Variants in NRXN3 observed in about 807,000 individuals in gnomAD.
NRXN3 encodes the protein neurexin III.
A neutral mutation model predicts 137.6 loss-of-function variants in NRXN3; 32 were observed. The ratio of observed to expected loss-of-function variants is 0.23; its 90% CI spans 0.18 to 0.31. The LOEUF is 0.31. Among genes scored for constraint, NRXN3 ranks in the 10% least tolerant of loss-of-function variants. The pLI is 1.00. For synonymous variants in NRXN3, 798 were observed against 784.5 expected, an observed-to-expected ratio of 1.02 and a Z score of -0.29; for missense variants, 1,574 against 2,062.5, an observed-to-expected ratio of 0.76 and a Z score of 4.59.
intron 10 of NRXN3, among the ~76,000 whole-genome samples, chr14:78,824,332 A>G (rs2098960293): frequency 6.6e-6 from 1 of 151,880 alleles, no homozygotes; most frequent in Non-Finnish European, 1.5e-5. Flanking sequence ...TTTTATTTTT[A>G]GTTATCTATT....
intron 15 of NRXN3, among the ~76,000 whole-genome samples, chr14:79,425,921 T>G (rs2095648643): frequency 6.6e-6 from 1 of 151,908 alleles, no homozygotes; most frequent in Non-Finnish European, 1.5e-5. Flanking sequence ...ATTTGTATGT[T>G]CTGTAGAGGA....
chr14:79,217,141 A>AAAAGAAAG (rs34660488), intron 15 of NRXN3, among the ~76,000 whole-genome samples: 7,199 of 149,672 alleles, frequency 0.048, 204 homozygotes, highest in South Asian at 0.075. Flanking sequence ...TGTCTCAAAA[A>AAAAGAAAG]AAAGAAAGAA....
chr14:79,648,780 C>T (rs1283045944), intron 16 of NRXN3, among the ~76,000 whole-genome samples: 1 of 152,076 alleles, frequency 6.6e-6, no homozygotes, highest in Admixed American at 6.6e-5. Context: ...GCACTTGTTT[C>T]TGTGCTTTCT....
At chr14:78,502,091 G>A (rs1285731761) in intron 4 of NRXN3, among the ~76,000 whole-genome samples, 1 of 152,072 alleles carries the variant, frequency 6.6e-6, no homozygotes, top group Non-Finnish European at 1.5e-5. Flanking sequence ...GAGCCTCATG[G>A]GAGATCACGT....
intron 15 of NRXN3, among the ~76,000 whole-genome samples, chr14:79,229,675 A>AC (rs959015865): frequency 2.6e-5 from 4 of 152,058 alleles, no homozygotes; most frequent in Middle Eastern, 3.2e-3. Flanking sequence ...AAGATGAATT[A>AC]CCCCAGGAAG....
intron 8 of NRXN3, among the ~76,000 whole-genome samples, chr14:78,769,050 T>C (rs940001737): frequency 6.6e-6 from 1 of 152,180 alleles, no homozygotes; most frequent in African/African-American, 2.4e-5. Context: ...ATCACATGGT[T>C]GGTTTCTTTG....
At chr14:79,323,671 A>G (rs1348459161) in intron 15 of NRXN3, among the ~76,000 whole-genome samples, 1 of 152,050 alleles carries the variant, frequency 6.6e-6, no homozygotes, top group African/African-American at 2.4e-5. Context: ...CATCCTGGCC[A>G]ATGTGGTGAA....
chr14:78,763,507 T>C (rs1316331542), intron 8 of NRXN3, among the ~76,000 whole-genome samples: 1 of 151,494 alleles, frequency 6.6e-6, no homozygotes, highest in Non-Finnish European at 1.5e-5. Context: ...ATTTTATAAA[T>C]TATAATATAT....
chr14:79,017,025 C>T (rs1348339448), intron 15 of NRXN3, among the ~76,000 whole-genome samples: 1 of 152,146 alleles, frequency 6.6e-6, no homozygotes, highest in African/African-American at 2.4e-5. Context: ...AAACCTGGCA[C>T]TTAGCCCAGT....
chr14:79,489,463 G>C (rs954719991), intron 16 of NRXN3, among the ~76,000 whole-genome samples: 2 of 152,132 alleles, frequency 1.3e-5, no homozygotes, highest in African/African-American at 2.4e-5. Flanking sequence ...TCTTTGTGGA[G>C]TTTGCACAGG....
chr14:78,589,830 G>A (rs1366479148), intron 4 of NRXN3, among the ~76,000 whole-genome samples: 2 of 152,184 alleles, frequency 1.3e-5, no homozygotes, highest in Non-Finnish European at 2.9e-5. Flanking sequence ...GAGAGCCAGA[G>A]AAAAGAATCA....
At chr14:79,662,983 T>C (rs2098541372) in intron 16 of NRXN3, among the ~76,000 whole-genome samples, 1 of 152,108 alleles carries the variant, frequency 6.6e-6, no homozygotes, top group South Asian at 2.1e-4. Flanking sequence ...ACTGCCATAG[T>C]GTTACTCTTA....
chr14:79,006,104 A>G (rs2099552105), intron 15 of NRXN3, among the ~76,000 whole-genome samples: 1 of 117,762 alleles, frequency 8.5e-6, no homozygotes, highest in Non-Finnish European at 1.5e-5. Flanking sequence ...ATGCCTTAGA[A>G]AGATTCCTCC....
intron 15 of NRXN3, among the ~76,000 whole-genome samples, chr14:79,154,249 T>C (rs2060054918): frequency 6.6e-6 from 1 of 151,944 alleles, no homozygotes; most frequent in South Asian, 2.1e-4. Flanking sequence ...TCACACCTGA[T>C]AGCCATGTTG....
At chr14:79,392,283 T>C (rs979816276) in intron 15 of NRXN3, among the ~76,000 whole-genome samples, 1 of 152,226 alleles carries the variant, frequency 6.6e-6, no homozygotes, top group Non-Finnish European at 1.5e-5. Flanking sequence ...CTGAGAATGA[T>C]GATTTCCAGC....
intron 10 of NRXN3, among the ~76,000 whole-genome samples, chr14:78,845,749 A>T (rs1056598115): frequency 3.3e-5 from 5 of 152,040 alleles, no homozygotes; most frequent in African/African-American, 1.2e-4. Context: ...TCACACTTCT[A>T]TAGCTGATAC....
intron 15 of NRXN3, among the ~76,000 whole-genome samples, chr14:79,260,466 T>C (rs990226595): frequency 6.6e-6 from 1 of 152,146 alleles, no homozygotes; most frequent in African/African-American, 2.4e-5. Context: ...GAGGCTTGTG[T>C]TGGGGAGTAC....
At chr14:79,813,338 G>GTA (rs906265122) in intron 20 of NRXN3, among the ~76,000 whole-genome samples, 12 of 151,944 alleles carry the variant, frequency 7.9e-5, no homozygotes, top group African/African-American at 2.4e-4. Context: ...ACATTCCTGT[G>GTA]TATATATATA....
intron 10 of NRXN3, among the ~76,000 whole-genome samples, chr14:78,917,987 T>TGAAAAAAAAAAAAAAAAAAAAAAAAAA (rs2099260376): frequency 1.3e-5 from 1 of 76,480 alleles, no homozygotes; most frequent in Non-Finnish European, 2.6e-5. Context: ...AATAAAAAAA[T>TGAAAAAAAAAAAAAAAAAAAAAAAAAA]GAAAAAAAAA....
Sources: allele counts gnomAD v4.1 joint callset (sites outside exome capture counted in the v4.1 genomes callset), GRCh38; gene constraint gnomAD v4.1.1; transcripts MANE v1.5; gene names NCBI Gene and HGNC (gene_info 2026-07-23, HGNC 2026-07-21).